LNPEP: variants seen among roughly 807,000 people sequenced by gnomAD.
The protein encoded by LNPEP is leucyl and cystinyl aminopeptidase, also known as leucyl-cystinyl aminopeptidase.
Under a neutral mutation model 120.6 loss-of-function variants are expected in LNPEP, and 64 were observed. The ratio of observed to expected loss-of-function variants is 0.53; its 90% CI spans 0.43 to 0.65. The LOEUF is 0.65. Among genes scored for constraint, LNPEP ranks in the 30% least tolerant of loss-of-function variants. The pLI is 0.00. For synonymous variants in LNPEP, 435 were observed against 425.4 expected (o/e 1.02, Z -0.28); for missense variants, 1,057 against 1,200.0 (o/e 0.88, Z 1.76).
chr5:97,020,459 A>AT (rs1270908622), intron 13 of LNPEP, among the ~76,000 whole-genome samples: 4 of 151,684 alleles, frequency 2.6e-5, no homozygotes, highest in African/African-American at 4.8e-5. Flanking sequence ...TATCTGTTGA[A>AT]TTTTTTTCAT....
At chr5:96,976,256 C>T (rs1000446662) in intron 1 of LNPEP, among the ~76,000 whole-genome samples, 1 of 151,646 alleles carries the variant, frequency 6.6e-6, no homozygotes, top group East Asian at 1.9e-4. Flanking sequence ...AAAAAAAAAA[C>T]TGTGCTTCTA....
At chr5:97,006,634 C>A in intron 11 of LNPEP, 119 bp downstream of exon 11, 1 of 654,062 alleles carries the variant, frequency 1.5e-6, no homozygotes, top group Non-Finnish European at 2.7e-6. Context: ...TTATGAGTTG[C>A]ATATGCAAGA....
chr5:96,979,414 CAGATG>C lies in LNPEP; in HGVS notation c.297_301del (p.Asp100GlyfsTer42). The C allele has an allele frequency of 6.2e-7, 1 of 1,614,036 alleles. No homozygotes were observed. The highest frequency in any genetic ancestry group is 8.5e-7 in the Non-Finnish European group (1 of 1,179,954). On this transcript the variant is annotated frameshift_variant, in exon 2 of 18. Transcript: ENST00000231368. LOFTEE classifies it high-confidence loss of function. ...AGTGCAACTGGTTACAGGCAGAGCC[CAGATG>C]GGGCTTGTTCAGTACCCTCTGCAAG...
intron 6 of LNPEP, among the ~76,000 whole-genome samples, chr5:96,995,515 A>G (rs1048514756): frequency 3.3e-5 from 5 of 150,984 alleles, no homozygotes; most frequent in African/African-American, 1.2e-4. Context: ...TCATTTGTTT[A>G]TATATGCCAT....
Position 96,998,015 on chromosome 5 carries a change from A to G in LNPEP, c.1523A>G (p.Tyr508Cys), listed in dbSNP as rs1440570712. 7 of 1,556,304 alleles carry G rather than the reference A, an allele frequency of 4.5e-6. No individual in the cohort carries two copies. Among genetic ancestry groups the G allele is most frequent in the Middle Eastern group, 1.7e-4 (1 of 5,888 alleles). Residue 508 changes from tyrosine (Y) to cysteine (C), a missense_variant and splice_region_variant, in exon 8 of 18, where the codon TAT becomes TGT. Tyr to Cys is a radical substitution (Grantham distance 194). Transcript: ENST00000231368. ...LEKIFKELSS[Y>C]EDFLDARFKT... ...TCTAATCTTTTCATTTTTTGACAGT[A>G]TGAAGATTTCTTAGATGCTCGATTT...
intron 8 of LNPEP, among the ~76,000 whole-genome samples, chr5:97,000,510 T>C (rs977184011): frequency 6.6e-6 from 1 of 152,168 alleles, no homozygotes; most frequent in Non-Finnish European, 1.5e-5. Context: ...GTGATTTCCT[T>C]CTGGGTGTCT....
chr5:97,003,678 C>A, intron 9 of LNPEP, 132 bp downstream of exon 9: 1 of 491,472 alleles, frequency 2.0e-6, no homozygotes, highest in Non-Finnish European at 3.4e-6. Flanking sequence ...GGGGATGGAG[C>A]TTGCTATATA....
intron 11 of LNPEP, chr5:97,010,512 GTATGATGC>G: frequency 1.0e-6 from 1 of 984,546 alleles, no homozygotes; most frequent in Non-Finnish European, 1.2e-6. Flanking sequence ...TCAATAGCAT[GTATGATGC>G]TAGCCCTCTG....
rs1478685627 is a variant in LNPEP, at chr5:97,026,614, C to T, written c.2724-3C>T. 6.2e-7 allele frequency: 1 copy of T among 1,611,346 alleles called. No individual in the cohort carries two copies. Among genetic ancestry groups the T allele is most frequent in the Admixed American group, 1.7e-5 (1 of 59,788 alleles). On this transcript the variant is annotated splice_polypyrimidine_tract_variant and splice_region_variant and intron_variant, in intron 15 of 17. Coordinates refer to ENST00000231368, the MANE Select transcript of LNPEP (RefSeq NM_005575.3). ...TGGAGGCTAAATCTGCTTTGCTCTTCAGGTTAATGAAAAGTAGCCTGAATG... is the reference window on the plus strand; with the variant it reads ...TGGAGGCTAAATCTGCTTTGCTCTTTAGGTTAATGAAAAGTAGCCTGAATG...
intron 16 of LNPEP, 118 bp from the exon 17 acceptor site, chr5:97,027,615 A>G (rs1791376309): frequency 1.5e-6 from 1 of 649,716 alleles, no homozygotes; most frequent in Non-Finnish European, 2.7e-6. Flanking sequence ...CCTCAGTTGC[A>G]GTTCCGGGAG....
At chr5:96,987,436 T>C (rs1790266960) in intron 4 of LNPEP, among the ~76,000 whole-genome samples, 1 of 152,214 alleles carries the variant, frequency 6.6e-6, no homozygotes, top group Non-Finnish European at 1.5e-5. Context: ...TTTCGTATTT[T>C]TGAGCTCTAC....
Position 97,006,189 on chromosome 5 carries a change from A to T in LNPEP, c.1902A>T (p.Arg634Ser), listed in dbSNP as rs760781173. ...AGGAACTTTTTATACAACAAGAGAGATTCTTTTTAAATATGAAGCCTGAAA... is the reference window on the plus strand; with the variant it reads ...AGGAACTTTTTATACAACAAGAGAGTTTCTTTTTAAATATGAAGCCTGAAA... ...KGKELFIQQE[R>S]FFLNMKPEIQ... Residue 634 changes from arginine (R) to serine (S), a missense_variant, in exon 10 of 18, where the codon AGA (arginine) becomes AGT (serine). Arg to Ser is a moderately radical substitution (Grantham distance 110, BLOSUM62 -1). Transcript: ENST00000231368. The T allele has an allele frequency of 8.7e-5, 140 of 1,604,530 alleles. No homozygotes were observed. The highest frequency in any genetic ancestry group is 1.2e-4 in the Non-Finnish European group (138 of 1,176,448).
chr5:96,945,350 G>A, intron 1 of LNPEP, among the ~76,000 whole-genome samples: 1 of 150,052 alleles, frequency 6.7e-6, no homozygotes, highest in African/African-American at 2.5e-5. Context: ...AAGTGGAAGT[G>A]AGCTGTGGTC....
chr5:97,030,188 T>C lies in LNPEP; in HGVS notation c.*1655T>C, dbSNP rs984860834. ...CTAAAAAAATAGTCTTCTTTAATCC[T>C]AGTGTGTTTTCCCCAATTTAGTCTT... On this transcript the variant is annotated 3_prime_UTR_variant, in exon 18 of 18. Transcript: ENST00000231368. 1 of 152,066 alleles carries C rather than the reference T, an allele frequency of 6.6e-6. No homozygotes were observed. Among genetic ancestry groups the C allele is most frequent in the African/African-American group, 2.4e-5 (1 of 41,452 alleles). The allele number at this position is 152,066 out of a possible 1,614,324, so 9.4% of individuals were successfully genotyped here. A position where few individuals can be genotyped will look rare whatever the true frequency, so the allele number is the denominator to read the frequency against.
chr5:96,945,030 A>G (rs1320451940), intron 1 of LNPEP, among the ~76,000 whole-genome samples: 1 of 152,132 alleles, frequency 6.6e-6, no homozygotes, highest in Non-Finnish European at 1.5e-5. Flanking sequence ...GCAGGCTTTC[A>G]GAGAATAGAT....
chr5:96,943,178 G>T, intron 1 of LNPEP: 1 of 490,106 alleles, frequency 2.0e-6, no homozygotes, highest in Non-Finnish European at 3.0e-6. Context: ...AGTCACCATT[G>T]CAGATGCTTA....
intron 8 of LNPEP, 116 bp downstream of exon 8, chr5:96,998,261 A>G (rs946107193): frequency 7.2e-5 from 58 of 809,444 alleles, no homozygotes; most frequent in South Asian, 1.2e-4. Flanking sequence ...TCAGGTATTA[A>G]TGGTAAACTA....
intron 1 of LNPEP, among the ~76,000 whole-genome samples, chr5:96,961,795 T>C (rs985575046): frequency 6.6e-6 from 1 of 152,154 alleles, no homozygotes; most frequent in Non-Finnish European, 1.5e-5. Flanking sequence ...CTGTATTATA[T>C]TATTATTTTT....
At chr5:96,984,670 C>G (rs1790200949) in intron 2 of LNPEP, among the ~76,000 whole-genome samples, 1 of 152,184 alleles carries the variant, frequency 6.6e-6, no homozygotes, top group Non-Finnish European at 1.5e-5. Flanking sequence ...AACTTAACCA[C>G]TCAGCCAGTA....
Sources: gnomAD v4.1 joint callset for allele counts (sites outside exome capture counted in the v4.1 genomes callset) on GRCh38, gnomAD v4.1.1 for gene constraint, MANE v1.5 for transcripts, NCBI Gene and HGNC (gene_info 2026-07-23, HGNC 2026-07-21) for gene names.